The following PRKD1 variants were observed in gnomAD, a reference collection of about 807,000 sequenced individuals.
The protein encoded by PRKD1 is protein kinase D1, also known as serine/threonine-protein kinase D1.
A neutral mutation model predicts 95.9 loss-of-function variants in PRKD1; 63 were observed. The observed-to-expected ratio is 0.66, with a 90% CI of 0.54 to 0.81. PRKD1 has a LOEUF of 0.81. Among genes scored for constraint, PRKD1 ranks in the 30% least tolerant of loss-of-function variants. PRKD1 has a pLI of 0.00. For synonymous variants in PRKD1, 425 were observed against 423.1 expected, an observed-to-expected ratio of 1.00 and a Z score of -0.05; for missense variants, 1,048 against 1,165.3, an observed-to-expected ratio of 0.90 and a Z score of 1.47.
chr14:29,777,806 T>C (rs1238296486), intron 1 of PRKD1, among the ~76,000 whole-genome samples: 2 of 152,154 alleles, frequency 1.3e-5, no homozygotes, highest in African/African-American at 4.8e-5. Context: ...AATAGACATC[T>C]ACAGAACTCT....
intron 1 of PRKD1, among the ~76,000 whole-genome samples, chr14:29,769,009 T>G (rs935309578): frequency 8.6e-5 from 13 of 152,040 alleles, no homozygotes; most frequent in Non-Finnish European, 1.9e-4. Context: ...ACCCTCACAT[T>G]CTGAAACAGA....
At chr14:29,922,115 C>G (rs1484468146) in intron 1 of PRKD1, among the ~76,000 whole-genome samples, 1 of 151,704 alleles carries the variant, frequency 6.6e-6, no homozygotes, top group Non-Finnish European at 1.5e-5. Context: ...TCCTGGATAA[C>G]ACGGTGAAAC....
intron 7 of PRKD1, 76 bp downstream of exon 7, chr14:29,636,214 A>C: frequency 6.6e-7 from 1 of 1,517,966 alleles, no homozygotes; most frequent in East Asian, 2.3e-5. Flanking sequence ...TAATCTATTA[A>C]AATATCAAAG....
chr14:29,836,226 T>C (rs1026058891), intron 1 of PRKD1, among the ~76,000 whole-genome samples: 4 of 152,286 alleles, frequency 2.6e-5, no homozygotes, highest in East Asian at 1.9e-4. Context: ...TGGAGCTGAT[T>C]TGAGGGGCTG....
At chr14:29,639,642 ATAAAAG>A (rs1247141182) in intron 4 of PRKD1, among the ~76,000 whole-genome samples, 18 of 151,848 alleles carry the variant, frequency 1.2e-4, no homozygotes, top group African/African-American at 4.3e-4. Flanking sequence ...TAAATAAATA[ATAAAAG>A]AAAAAGAAAA....
chr14:29,683,184 T>C lies in PRKD1; in HGVS notation c.404-16976A>G, dbSNP rs187104576. 6.2e-4 allele frequency among the ~76,000 whole-genome samples: 94 copies of C among 152,232 alleles called. 1 individual carries two copies. Among genetic ancestry groups the C allele is most frequent in the African/African-American group, 2.2e-3 (90 of 41,554 alleles). On this transcript the variant is annotated intron_variant, in intron 2 of 17. Transcript: ENST00000331968. ...TGAGGACACTGGTCAGAAAGAGTTATAGGGTTACCATATGGGGCTGTAGCA... is the reference window on the plus strand; with the variant it reads ...TGAGGACACTGGTCAGAAAGAGTTACAGGGTTACCATATGGGGCTGTAGCA...
chr14:29,641,424 T>C (rs941448834), intron 4 of PRKD1, among the ~76,000 whole-genome samples: 3 of 152,190 alleles, frequency 2.0e-5, no homozygotes, highest in African/African-American at 7.2e-5. Context: ...TTTACAATCT[T>C]GACACAGGGT....
intron 2 of PRKD1, among the ~76,000 whole-genome samples, chr14:29,708,154 T>C (rs958039168): frequency 6.6e-6 from 1 of 151,970 alleles, no homozygotes; most frequent in Non-Finnish European, 1.5e-5. Context: ...TAAGATGACA[T>C]TAGGAAGGAC....
intron 1 of PRKD1, among the ~76,000 whole-genome samples, chr14:29,788,577 A>G (rs1871948957): frequency 6.6e-6 from 1 of 152,148 alleles, no homozygotes; most frequent in South Asian, 2.1e-4. Flanking sequence ...ATGGTGCCCA[A>G]TATATTATGT....
chr14:29,764,019 G>T (rs1481948748), intron 1 of PRKD1, among the ~76,000 whole-genome samples: 1 of 152,130 alleles, frequency 6.6e-6, no homozygotes, highest in Non-Finnish European at 1.5e-5. Flanking sequence ...ACATACGTAA[G>T]TGTGTGTATA....
rs1880507871 is a variant in PRKD1 at position 29,638,194 on chromosome 14, T to C, written c.985+295A>G. 3 of 346,730 alleles carry C rather than the reference T, an allele frequency of 8.7e-6. No individual in the cohort carries two copies. The Admixed American group carries it at 1.3e-4, about 15-fold the overall frequency. 21.5% of individuals were successfully genotyped at this position (346,730 alleles called of 1,614,324 possible). ...GGCAGCCCAACAACATCCACATTTCTGGGCAAACTAGGATAAGAATATAAG... is the reference window on the plus strand; with the variant it reads ...GGCAGCCCAACAACATCCACATTTCCGGGCAAACTAGGATAAGAATATAAG... On this transcript the variant is annotated intron_variant, in intron 6 of 17. Coordinates refer to ENST00000331968, the MANE Select transcript of PRKD1 (RefSeq NM_002742.3).
intron 1 of PRKD1, among the ~76,000 whole-genome samples, chr14:29,886,371 A>G (rs1893705223): frequency 6.6e-6 from 1 of 152,224 alleles, no homozygotes; most frequent in Non-Finnish European, 1.5e-5. Context: ...AAGGATTTCT[A>G]TTCTTTCCAA....
chr14:29,907,666 A>T (rs45623943), intron 1 of PRKD1, among the ~76,000 whole-genome samples: 4,184 of 152,306 alleles, frequency 0.027, 178 homozygotes, highest in African/African-American at 0.091. Context: ...GTACTTAATA[A>T]GCAAGCAACT....
At chr14:29,610,242 A>C (rs1248906385) in intron 13 of PRKD1, among the ~76,000 whole-genome samples, 2 of 152,220 alleles carry the variant, frequency 1.3e-5, no homozygotes, top group East Asian at 3.9e-4. Context: ...ACTGGGAGAA[A>C]ATATTTGCAA....
intron 1 of PRKD1, among the ~76,000 whole-genome samples, chr14:29,827,007 A>G (rs1020824212): frequency 2.7e-5 from 4 of 150,438 alleles, no homozygotes; most frequent in South Asian, 2.1e-4. Flanking sequence ...GTTCTCACTC[A>G]TAAGTGGGAG....
intron 4 of PRKD1, among the ~76,000 whole-genome samples, chr14:29,644,969 C>A (rs1594390600): frequency 6.6e-6 from 1 of 151,994 alleles, no homozygotes; most frequent in Admixed American, 6.6e-5. Flanking sequence ...CCATGTTACA[C>A]CTAAAGAAAC....
chr14:29,879,274 G>A (rs1893414599), intron 1 of PRKD1, among the ~76,000 whole-genome samples: 2 of 152,198 alleles, frequency 1.3e-5, no homozygotes, highest in African/African-American at 4.8e-5. Context: ...ATTCCCACAT[G>A]TGGGAGGGAC....
chr14:29,803,155 T>C (rs1890102080), intron 1 of PRKD1, among the ~76,000 whole-genome samples: 1 of 152,052 alleles, frequency 6.6e-6, no homozygotes, highest in African/African-American at 2.4e-5. Flanking sequence ...AGGAAAAGGA[T>C]TAAGGATAAG....
chr14:29,914,257 C>T (rs1356151710), intron 1 of PRKD1, among the ~76,000 whole-genome samples: 1 of 152,202 alleles, frequency 6.6e-6, no homozygotes, highest in Admixed American at 6.5e-5. Context: ...AGGCAATTCA[C>T]AATTCAATTC....
Sources: gnomAD v4.1 joint callset for allele counts (sites outside exome capture counted in the v4.1 genomes callset) on GRCh38, gnomAD v4.1.1 for gene constraint, MANE v1.5 for transcripts, NCBI Gene and HGNC (gene_info 2026-07-23, HGNC 2026-07-21) for gene names.